The following ZNF585B variants were observed in gnomAD, a reference collection of about 807,000 sequenced individuals.
ZNF585B encodes zinc finger protein 41-like protein.
A neutral mutation model predicts 14.0 loss-of-function variants in ZNF585B; 7 were observed. The ratio of observed to expected loss-of-function variants is 0.50; its 90% CI spans 0.28 to 0.94. The LOEUF is 0.94. Among genes scored for constraint, ZNF585B ranks in the 40% least tolerant of loss-of-function variants. The probability of loss-of-function intolerance (pLI) is 0.09; values close to 1 mark genes in which losing one functional copy is unlikely to be tolerated. For missense variants in ZNF585B, 750 were observed against 924.4 expected (o/e 0.81, Z 2.45); for synonymous variants, 290 against 317.3 (o/e 0.91, Z 0.91).
Position 37,189,728 on chromosome 19 carries a change from C to T in ZNF585B, c.225G>A (p.Val75=). The change falls in exon 4 of 5, where the codon GTG becomes GTA. Residue 75 remains valine, a synonymous_variant. Coordinates refer to ENST00000532828, the MANE Select transcript of ZNF585B (RefSeq NM_152279.4). ...GTTCCTTTCCTTGCTCCAACATGACCACCTCTGGTTTAGGAACTTGATACC... is the reference window on the plus strand; with the variant it reads ...GTTCCTTTCCTTGCTCCAACATGACTACCTCTGGTTTAGGAACTTGATACC... The part of the protein sequence containing the change: ...SVGYQVPKPE[V]VMLEQGKEPW... 1 of 1,614,014 alleles carries T rather than the reference C, an allele frequency of 6.2e-7. No individual in the cohort carries two copies. Among genetic ancestry groups the T allele is most frequent in the Non-Finnish European group, 8.5e-7 (1 of 1,180,014 alleles).
chr19:37,200,294 C>G lies in ZNF585B; in HGVS notation c.72+6746G>C, dbSNP rs544483969. Among the ~76,000 whole-genome samples the G allele has an allele frequency of 4.5e-3, 669 of 147,844 alleles. 4 individuals are homozygous for G. The highest frequency in any genetic ancestry group is 7.0e-3 in the Non-Finnish European group (462 of 66,322). On this transcript the variant is annotated intron_variant, in intron 2 of 4. Transcript: ENST00000532828. The stretch of plus-strand genomic sequence containing the variant: ...AGGCCAGGCACGGTGGCTCACGCCT[C>G]TAATCCCAGCACTTTGGGAGGCTGA...
intron 2 of ZNF585B, among the ~76,000 whole-genome samples, chr19:37,195,111 G>A (rs569892216): frequency 9.2e-5 from 14 of 152,020 alleles, no homozygotes; most frequent in South Asian, 6.2e-4. Context: ...TTGGGGGGCC[G>A]AGGCGGGTGG....
chr19:37,186,951 A>T lies in ZNF585B; in HGVS notation c.586T>A (p.Phe196Ile), dbSNP rs765209392. The T allele has an allele frequency of 2.5e-6, 4 of 1,614,158 alleles. No individual in the cohort carries two copies. The highest frequency in any genetic ancestry group is 3.3e-5 in the Admixed American group (2 of 60,000). Residue 196 changes from phenylalanine (F) to isoleucine (I), a missense_variant, in exon 5 of 5, where the codon TTT becomes ATT. Physicochemically the swap from Phe to Ile is conservative, Grantham distance 21. Around this residue, in one of 2 missense-constraint regions of ZNF585B, gnomAD observed 517 missense variants for 570.3 expected, o/e 0.91. Coordinates refer to ENST00000532828, the MANE Select transcript of ZNF585B (RefSeq NM_152279.4). ...TGCCTGAAAAGAGACGATACTTGAA[A>T]AAAGGATTTTCCACATTCATTGCAC... is the stretch of plus-strand genomic sequence containing the variant. ...YKCNECGKSF[F>I]QVSSLFRHHR...
In ZNF585B at chr19:37,183,059, G is replaced by A. The variant is rs182253104; in HGVS notation, c.*2168C>T. The stretch of plus-strand genomic sequence containing the variant: ...GTTGCAACTGAGACAGGACAGCGCT[G>A]TGCATGCTGAGGAAAAATGAGCAGG... On this transcript the variant is annotated 3_prime_UTR_variant, in exon 5 of 5. Transcript: ENST00000532828. 3.9e-5 allele frequency: 6 copies of A among 152,320 alleles called. No homozygotes were observed. Among genetic ancestry groups the A allele is most frequent in the Non-Finnish European group, 7.3e-5 (5 of 68,046 alleles). 9.4% of individuals were successfully genotyped at this position (152,320 alleles called of 1,614,324 possible). A position where few individuals can be genotyped will look rare whatever the true frequency, so the allele number is the denominator to read the frequency against.
intron 4 of ZNF585B, among the ~76,000 whole-genome samples, chr19:37,189,360 G>A (rs141856327): frequency 1.3e-5 from 2 of 152,278 alleles, no homozygotes; most frequent in African/African-American, 2.4e-5. Flanking sequence ...ATACCTGGAT[G>A]TAAACGAGAG....
rs557777981 is a variant in ZNF585B, at chr19:37,189,475, A to C, written c.292+186T>G. On this transcript the variant is annotated intron_variant, in intron 4 of 4. Transcript: ENST00000532828. The stretch of plus-strand genomic sequence containing the variant: ...CTGACTGGCACATGACTTATAATCA[A>C]CAAGGAAGGTCATCCAGGTAGAAGG... 6.3e-5 allele frequency: 38 copies of C among 605,230 alleles called. No individual in the cohort carries two copies. In the East Asian group the frequency reaches 1.0e-3, roughly 17 times the overall value. The allele number at this position is 605,230 out of a possible 1,614,324, so 37.5% of individuals were successfully genotyped here. A position where few individuals can be genotyped will look rare whatever the true frequency, so the allele number is the denominator to read the frequency against.
intron 1 of ZNF585B, among the ~76,000 whole-genome samples, chr19:37,209,153 G>C (rs1972618574): frequency 6.6e-6 from 1 of 152,078 alleles, no homozygotes; most frequent in Admixed American, 6.6e-5. Context: ...CGCCCCGGCT[G>C]GAGTGCAATG....
At chr19:37,188,059 G>C (rs1228324622) in intron 4 of ZNF585B, among the ~76,000 whole-genome samples, 4 of 152,168 alleles carry the variant, frequency 2.6e-5, no homozygotes, top group Non-Finnish European at 5.9e-5. Flanking sequence ...AGGGGAAAGA[G>C]AGAAAAGGGG....
Position 37,186,039 on chromosome 19 carries a change from C to T in ZNF585B, c.1498G>A (p.Gly500Arg). 6.2e-7 allele frequency: 1 copy of T among 1,613,924 alleles called. No individual in the cohort carries two copies. The highest frequency in any genetic ancestry group is 8.5e-7 in the Non-Finnish European group (1 of 1,180,002). ...GEKSYICSKCGKAFTQRSDLI... is the reference protein window; with the variant it reads ...GEKSYICSKCRKAFTQRSDLI... ...TCTGACCTCTGGGTGAAGGCCTTTC[C>T]ACATTTGGAACATATATAAGATTTC... The change falls in exon 5 of 5, where the codon GGA becomes AGA. Residue 500 changes from glycine (G) to arginine (R), a missense_variant. Physicochemically the swap from Gly to Arg is moderately radical, Grantham distance 125. Coordinates refer to ENST00000532828, the MANE Select transcript of ZNF585B (RefSeq NM_152279.4).
chr19:37,189,118 A>T (rs1972372151), intron 4 of ZNF585B, among the ~76,000 whole-genome samples: 1 of 151,814 alleles, frequency 6.6e-6, no homozygotes, highest in Non-Finnish European at 1.5e-5. Context: ...TTGTATTTTT[A>T]GTAGAGATGG....
chr19:37,189,470 A>C (rs187739137), intron 4 of ZNF585B, 191 bp downstream of exon 4: 18 of 594,804 alleles, frequency 3.0e-5, no homozygotes, highest in African/African-American at 2.4e-4. Flanking sequence ...CATGACTTAT[A>C]ATCAACAAGG....
intron 2 of ZNF585B, chr19:37,199,009 T>G (rs1972502666): frequency 6.5e-7 from 1 of 1,531,746 alleles, no homozygotes. Context: ...TTGATTGTGC[T>G]TATAGGGCTC....
At chr19:37,194,787 C>G (rs1462675793) in intron 2 of ZNF585B, among the ~76,000 whole-genome samples, 1 of 152,034 alleles carries the variant, frequency 6.6e-6, no homozygotes, top group Non-Finnish European at 1.5e-5. Flanking sequence ...ACATTCTTTT[C>G]AAGAATCATA....
chr19:37,182,116 T>G lies in ZNF585B; in HGVS notation c.*3111A>C, dbSNP rs1211300512. The G allele has an allele frequency of 2.0e-5, 3 of 152,170 alleles. No homozygotes were observed. The East Asian group carries it at 5.8e-4, about 29-fold the overall frequency. 9.4% of individuals were successfully genotyped at this position (152,170 alleles called of 1,614,324 possible). ...GGATATATGGGAAATCTCTGTACCT[T>G]CTGCCCCATTTTGCTGTGAACCTAA... On this transcript the variant is annotated 3_prime_UTR_variant, in exon 5 of 5. Transcript: ENST00000532828.
intron 1 of ZNF585B, among the ~76,000 whole-genome samples, chr19:37,209,844 T>G (rs1162664589): frequency 6.7e-6 from 1 of 149,368 alleles, no homozygotes; most frequent in African/African-American, 2.5e-5. Flanking sequence ...GCCTCCAGAG[T>G]AGCTGGGACT....
chr19:37,197,192 C>CA (rs1568509976), intron 2 of ZNF585B, among the ~76,000 whole-genome samples: 1 of 151,678 alleles, frequency 6.6e-6, no homozygotes, highest in East Asian at 1.9e-4. Flanking sequence ...CAAGTGATCT[C>CA]ATAGTTCAAT....
rs147967065 is a variant in ZNF585B at position 37,191,340 on chromosome 19, G to T, written c.73-1190C>A. Reference sequence around the variant, plus strand: ...CCAAGCAAGAATGTCAGAGGGGGCCGGACACGGTGGCTCATGCTTGTAATC... The same window carrying T: ...CCAAGCAAGAATGTCAGAGGGGGCCTGACACGGTGGCTCATGCTTGTAATC... On this transcript the variant is annotated intron_variant, in intron 2 of 4. Transcript: ENST00000532828. 3.3e-3 allele frequency among the ~76,000 whole-genome samples: 496 copies of T among 152,168 alleles called. 3 individuals are homozygous for T. The highest frequency in any genetic ancestry group is 0.012 in the African/African-American group (478 of 41,516).
In ZNF585B at chr19:37,186,052, T is replaced by C. The variant is rs762910218; in HGVS notation, c.1485A>G (p.Ile495Met). ...QKTHTGEKSY[I>M]CSKCGKAFTQ... Reference sequence around the variant, plus strand: ...TGAAGGCCTTTCCACATTTGGAACATATATAAGATTTCTCTCCTGTATGAG... The same window carrying C: ...TGAAGGCCTTTCCACATTTGGAACACATATAAGATTTCTCTCCTGTATGAG... Residue 495 changes from isoleucine (I) to methionine (M), a missense_variant, in exon 5 of 5, where the codon ATA (isoleucine) becomes ATG (methionine). By Grantham distance (10) the Ile-to-Met change is conservative. This residue lies in a region of ZNF585B where 233 missense variants were observed against 354.1 expected (regional missense o/e 0.66). Transcript: ENST00000532828. 20 of 1,613,890 alleles carry C rather than the reference T, an allele frequency of 1.2e-5. No individual in the cohort carries two copies. Among genetic ancestry groups the C allele is most frequent in the South Asian group, 2.2e-5 (2 of 91,078 alleles).
intron 4 of ZNF585B, among the ~76,000 whole-genome samples, chr19:37,188,701 G>A (rs1015331520): frequency 2.6e-5 from 4 of 151,562 alleles, no homozygotes; most frequent in East Asian, 3.9e-4. Context: ...AGCCAACCAG[G>A]AAGAGAGACC....
Sources: gnomAD v4.1 joint callset for allele counts (sites outside exome capture counted in the v4.1 genomes callset) on GRCh38, gnomAD v4.1.1 for gene constraint, gnomAD v4.1.1 regional missense constraint, MANE v1.5 for transcripts, NCBI Gene and HGNC (gene_info 2026-07-23, HGNC 2026-07-21) for gene names.